The following KHDRBS3 variants were observed in gnomAD, a reference collection of about 807,000 sequenced individuals.
The protein encoded by KHDRBS3 is KH RNA binding domain containing, signal transduction associated 3.
KHDRBS3 carries 23 observed loss-of-function variants against 45.6 expected under a neutral mutation model. That is an observed-to-expected ratio of 0.50 (90% confidence interval 0.36 to 0.72). The LOEUF (loss-of-function observed/expected upper bound fraction) is 0.72, where lower values mean the gene tolerates loss of function less well. KHDRBS3 is among the 30% of genes least tolerant of loss of function. KHDRBS3 has a pLI of 0.00. For synonymous variants in KHDRBS3, 162 were observed against 156.5 expected, an observed-to-expected ratio of 1.04 and a Z score of -0.26; for missense variants, 352 against 424.8, an observed-to-expected ratio of 0.83 and a Z score of 1.51.
At chr8:135,568,668 A>G (rs16905413) in intron 5 of KHDRBS3, among the ~76,000 whole-genome samples, 26,423 of 152,184 alleles carry the variant, frequency 0.17, 2,399 homozygotes, top group East Asian at 0.35. Context: ...GTCAAGTCCA[A>G]ATATAAAGAT....
At chr8:135,571,177 T>G (rs879695346) in intron 5 of KHDRBS3, among the ~76,000 whole-genome samples, 3 of 152,178 alleles carry the variant, frequency 2.0e-5, no homozygotes, top group Non-Finnish European at 2.9e-5. Flanking sequence ...GCGCCTGCTG[T>G]AGACATCACC....
chr8:135,596,485 T>A (rs922669826), intron 6 of KHDRBS3, among the ~76,000 whole-genome samples: 4 of 152,178 alleles, frequency 2.6e-5, no homozygotes, highest in Admixed American at 1.3e-4. Context: ...TTTGTGGGAC[T>A]AAGGTTAACC....
At chr8:135,563,910 A>C (rs1827282135) in intron 5 of KHDRBS3, among the ~76,000 whole-genome samples, 1 of 152,198 alleles carries the variant, frequency 6.6e-6, no homozygotes, top group African/African-American at 2.4e-5. Context: ...TTGATACCAG[A>C]AGCAGCAAGA....
intron 1 of KHDRBS3, among the ~76,000 whole-genome samples, chr8:135,475,020 C>T (rs1260512781): frequency 1.3e-5 from 2 of 152,214 alleles, no homozygotes; most frequent in African/African-American, 4.8e-5. Context: ...TTTCGCTCTG[C>T]CATTTCTCCG....
At chr8:135,551,904 T>TA (rs371442588) in intron 4 of KHDRBS3, among the ~76,000 whole-genome samples, 1 of 152,134 alleles carries the variant, frequency 6.6e-6, no homozygotes. Flanking sequence ...ACCTACATCC[T>TA]AAAAAACAGG....
intron 7 of KHDRBS3, among the ~76,000 whole-genome samples, chr8:135,613,526 A>T (rs1343478164): frequency 6.6e-6 from 1 of 151,530 alleles, no homozygotes; most frequent in Non-Finnish European, 1.5e-5. Context: ...ACTGAATGAG[A>T]TGGTTTGCAT....
chr8:135,632,435 G>A (rs1830643549), intron 7 of KHDRBS3, among the ~76,000 whole-genome samples: 1 of 151,890 alleles, frequency 6.6e-6, no homozygotes, highest in Non-Finnish European at 1.5e-5. Context: ...CTTCTCAGTG[G>A]TCTCACTGTC....
intron 1 of KHDRBS3, among the ~76,000 whole-genome samples, chr8:135,518,386 G>T (rs2130635316): frequency 6.6e-6 from 1 of 152,198 alleles, no homozygotes; most frequent in South Asian, 2.1e-4. Flanking sequence ...TTGTTAGCCA[G>T]GATGGTCTCA....
intron 1 of KHDRBS3, chr8:135,458,595 G>A: frequency 3.1e-6 from 1 of 322,736 alleles, no homozygotes; most frequent in Non-Finnish European, 6.0e-6. Flanking sequence ...GCCCTCCCAG[G>A]GGATGGGCAG....
intron 7 of KHDRBS3, among the ~76,000 whole-genome samples, chr8:135,643,543 C>G (rs1831154603): frequency 6.6e-6 from 1 of 152,150 alleles, no homozygotes; most frequent in Non-Finnish European, 1.5e-5. Context: ...GAAAGAGTAG[C>G]AAATATAAAA....
chr8:135,465,315 G>A (rs1821641080), intron 1 of KHDRBS3, among the ~76,000 whole-genome samples: 1 of 152,188 alleles, frequency 6.6e-6, no homozygotes, highest in Non-Finnish European at 1.5e-5. Context: ...CATAGTAGGT[G>A]CTTAATAAAC....
At position 135,564,464 on chromosome 8, in the gene KHDRBS3, A is replaced by G. The variant is rs903350281; in HGVS notation, c.611+6877A>G. On this transcript the variant is annotated intron_variant, in intron 5 of 8. Coordinates refer to ENST00000355849, the MANE Select transcript of KHDRBS3 (RefSeq NM_006558.3). ...GCTGCAATGTTGTTGAGAAATAAAT[A>G]TGTAAGTTGTTTGGTACTCACAATT... 4.6e-5 allele frequency among the ~76,000 whole-genome samples: 7 copies of G among 152,336 alleles called. No homozygotes were observed. The South Asian group carries it at 6.2e-4, about 14-fold the overall frequency.
At chr8:135,469,441 C>A (rs961904545) in intron 1 of KHDRBS3, among the ~76,000 whole-genome samples, 4 of 150,516 alleles carry the variant, frequency 2.7e-5, no homozygotes, top group Non-Finnish European at 5.9e-5. Flanking sequence ...GCGCCCGCCA[C>A]CACGCCAGGC....
At chr8:135,548,647 A>G in intron 3 of KHDRBS3, 107 bp from the exon 4 acceptor site, 7 of 899,498 alleles carry the variant, frequency 7.8e-6, no homozygotes, top group Non-Finnish European at 1.1e-5. Flanking sequence ...CGCTTGCCAG[A>G]TGGATTGTTT....
chr8:135,515,924 C>G (rs1253757761), intron 1 of KHDRBS3, among the ~76,000 whole-genome samples: 1 of 152,184 alleles, frequency 6.6e-6, no homozygotes, highest in Non-Finnish European at 1.5e-5. Context: ...TGTTGCTTAA[C>G]CACAGGAATG....
chr8:135,645,248 C>A, intron 8 of KHDRBS3, 131 bp downstream of exon 8: 1 of 797,652 alleles, frequency 1.3e-6, no homozygotes, highest in Middle Eastern at 2.3e-4. Flanking sequence ...TTCATTTGTG[C>A]ATGTCTAGCT....
chr8:135,472,690 G>T (rs1463805635), intron 1 of KHDRBS3, among the ~76,000 whole-genome samples: 1 of 152,194 alleles, frequency 6.6e-6, no homozygotes, highest in Non-Finnish European at 1.5e-5. Context: ...CAGGAGAATG[G>T]CGTGCTCAGC....
chr8:135,462,514 T>C (rs982072022), intron 1 of KHDRBS3, among the ~76,000 whole-genome samples: 2 of 152,198 alleles, frequency 1.3e-5, no homozygotes, highest in African/African-American at 2.4e-5. Flanking sequence ...ATGCCCTCTT[T>C]CCTAAGGAAC....
At chr8:135,539,756 T>C (rs1008796439) in intron 2 of KHDRBS3, 1 of 152,188 alleles carries the variant, frequency 6.6e-6, no homozygotes, top group Non-Finnish European at 1.5e-5. Flanking sequence ...AGATACATGG[T>C]TGAACAGAGT....
Sources: gnomAD v4.1 joint callset for allele counts (sites outside exome capture counted in the v4.1 genomes callset) on GRCh38, gnomAD v4.1.1 for gene constraint, MANE v1.5 for transcripts, NCBI Gene and HGNC (gene_info 2026-07-23, HGNC 2026-07-21) for gene names.